Variants in KCNMA1 observed in about 807,000 individuals in gnomAD.
KCNMA1 encodes Calcium-activated potassium channel subunit alpha-1.
In KCNMA1, 29 loss-of-function variants were observed where a neutral mutation model predicts 140.0. The ratio of observed to expected loss-of-function variants is 0.21; its 90% CI spans 0.15 to 0.28. The LOEUF (loss-of-function observed/expected upper bound fraction) is 0.28, where lower values mean the gene tolerates loss of function less well. KCNMA1 is among the 10% of genes least tolerant of loss of function. The pLI is 1.00. For missense variants in KCNMA1, 880 were observed against 1,602.2 expected (o/e 0.55, Z 7.70); for synonymous variants, 612 against 611.9 (o/e 1.00, Z 0.00).
At chr10:77,015,290 G>A (rs986492628) in intron 17 of KCNMA1, among the ~76,000 whole-genome samples, 1 of 151,996 alleles carries the variant, frequency 6.6e-6, no homozygotes, top group Non-Finnish European at 1.5e-5. Flanking sequence ...TCCTGTACAG[G>A]TCTATGAAAT....
At position 77,001,518 on chromosome 10, in the gene KCNMA1, G is replaced by T. The variant is rs367636843; in HGVS notation, c.2155C>A (p.Arg719Ser). The change falls in exon 19 of 28, where the codon CGT becomes AGT. Residue 719 changes from arginine (R) to serine (S), a missense_variant. Physicochemically the swap from Arg to Ser is moderately radical, Grantham distance 110. Coordinates refer to ENST00000286628, the MANE Select transcript of KCNMA1 (RefSeq NM_001161352.2). ...ACCFDCGRSE[R>S]DCSCMSGRVR... ...CGGCCTGACATGCATGAGCAGTCAC[G>T]CTCAGAACGTCCGCAATCAAAACAA... 1.3e-6 allele frequency: 2 copies of T among 1,552,060 alleles called. No homozygotes were observed. The highest frequency in any genetic ancestry group is 1.4e-5 in the African/African-American group (1 of 73,172).
intron 14 of KCNMA1, among the ~76,000 whole-genome samples, chr10:77,061,977 C>G (rs2095769493): frequency 6.6e-6 from 1 of 152,106 alleles, no homozygotes; most frequent in South Asian, 2.1e-4. Flanking sequence ...GAGAATAGAT[C>G]AGTGGTTGCC....
chr10:76,980,151 G>C (rs868351177), intron 19 of KCNMA1: 1 of 152,366 alleles, frequency 6.6e-6, no homozygotes, highest in South Asian at 2.1e-4. Flanking sequence ...GCTGGAAGCG[G>C]CTTGGGGATG....
At chr10:77,141,297 T>C (rs988414582) in intron 5 of KCNMA1, among the ~76,000 whole-genome samples, 10 of 152,054 alleles carry the variant, frequency 6.6e-5, no homozygotes, top group Non-Finnish European at 1.0e-4. Context: ...TGTTACAGGC[T>C]ACATTATGGA....
chr10:77,028,364 T>A (rs191447635), intron 15 of KCNMA1, among the ~76,000 whole-genome samples: 2 of 152,256 alleles, frequency 1.3e-5, no homozygotes, highest in East Asian at 3.9e-4. Context: ...TTGGCCTCTG[T>A]GTAAGTGCCC....
At chr10:77,061,197 T>C (rs1360418367) in intron 14 of KCNMA1, among the ~76,000 whole-genome samples, 1 of 152,174 alleles carries the variant, frequency 6.6e-6, no homozygotes, top group African/African-American at 2.4e-5. Flanking sequence ...ACTTAAAAAC[T>C]TCTTTCCAGG....
chr10:76,897,594 A>G (rs1026041974), intron 25 of KCNMA1, among the ~76,000 whole-genome samples: 1 of 152,112 alleles, frequency 6.6e-6, no homozygotes, highest in African/African-American at 2.4e-5. Context: ...TTTTTTAAAT[A>G]CTTAGAAACA....
intron 1 of KCNMA1, among the ~76,000 whole-genome samples, chr10:77,608,162 C>A (rs2085244835): frequency 6.6e-6 from 1 of 152,114 alleles, no homozygotes; most frequent in Non-Finnish European, 1.5e-5. Context: ...AATGCCTCTT[C>A]ATCCTGTAGA....
intron 1 of KCNMA1, among the ~76,000 whole-genome samples, chr10:77,446,750 C>T (rs898243388): frequency 4.6e-5 from 7 of 152,340 alleles, no homozygotes; most frequent in African/African-American, 1.7e-4. Flanking sequence ...GAAAGTAACA[C>T]CAGAGAAGGT....
intron 6 of KCNMA1, among the ~76,000 whole-genome samples, chr10:77,113,397 G>A (rs959321434): frequency 1.3e-4 from 20 of 152,128 alleles, no homozygotes; most frequent in Admixed American, 8.5e-4. Context: ...TAAATTTTGT[G>A]TGAACCTAGG....
At chr10:77,298,477 G>T (rs1186798835) in intron 2 of KCNMA1, among the ~76,000 whole-genome samples, 1 of 152,092 alleles carries the variant, frequency 6.6e-6, no homozygotes, top group Admixed American at 6.6e-5. Flanking sequence ...CCTGACCTCA[G>T]GTGATCCACC....
chr10:77,158,968 C>T (rs1009434029), intron 5 of KCNMA1, among the ~76,000 whole-genome samples: 13 of 152,224 alleles, frequency 8.5e-5, no homozygotes, highest in African/African-American at 2.9e-4. Flanking sequence ...CTCCTAACAA[C>T]ACAGGTTTAG....
At chr10:77,159,992 G>C (rs10437395) in intron 5 of KCNMA1, among the ~76,000 whole-genome samples, 10,535 of 152,238 alleles carry the variant, frequency 0.069, 458 homozygotes, top group South Asian at 0.15. Context: ...AATGTCTGTT[G>C]AATGAAACAA....
At chr10:77,588,537 G>A (rs1567722708) in intron 1 of KCNMA1, among the ~76,000 whole-genome samples, 1 of 152,186 alleles carries the variant, frequency 6.6e-6, no homozygotes, top group Non-Finnish European at 1.5e-5. Context: ...CTCAGGAATG[G>A]CAGGGCCATG....
At chr10:76,932,124 AT>A (rs2059435705) in intron 23 of KCNMA1, among the ~76,000 whole-genome samples, 1 of 152,226 alleles carries the variant, frequency 6.6e-6, no homozygotes, top group South Asian at 2.1e-4. Context: ...ACAGTAGCTA[AT>A]CTAAGTGGGT....
chr10:76,954,512 T>C (rs1052454335), intron 20 of KCNMA1, among the ~76,000 whole-genome samples: 2 of 152,202 alleles, frequency 1.3e-5, no homozygotes, highest in Non-Finnish European at 2.9e-5. Flanking sequence ...CAGATTTTGC[T>C]CTCCCTGGCT....
chr10:77,086,686 C>T, intron 10 of KCNMA1, 93 bp from the exon 11 acceptor site: 1 of 868,652 alleles, frequency 1.2e-6, no homozygotes. Flanking sequence ...CACAGGGAGC[C>T]CTGGGGAGAG....
chr10:76,918,555 G>A (rs2053926969), intron 23 of KCNMA1, among the ~76,000 whole-genome samples: 1 of 152,116 alleles, frequency 6.6e-6, no homozygotes, highest in Non-Finnish European at 1.5e-5. Context: ...CCTTATTCCT[G>A]CAAGAACGGC....
chr10:76,917,962 C>T (rs911103738), intron 23 of KCNMA1, among the ~76,000 whole-genome samples: 1 of 152,144 alleles, frequency 6.6e-6, no homozygotes. Flanking sequence ...TGAGGCAATC[C>T]GGCCTTTGAT....
Sources: allele counts gnomAD v4.1 joint callset (sites outside exome capture counted in the v4.1 genomes callset), GRCh38; gene constraint gnomAD v4.1.1; transcripts MANE v1.5; gene names NCBI Gene and HGNC (gene_info 2026-07-23, HGNC 2026-07-21).